The following SMARCA4 variants were observed in gnomAD, a reference collection of about 807,000 sequenced individuals.
SMARCA4 encodes SWI/SNF related BAF chromatin remodeling complex subunit ATPase 4.
Under a neutral mutation model 193.9 loss-of-function variants are expected in SMARCA4, and 31 were observed. That is an observed-to-expected ratio of 0.16 (90% CI 0.12 to 0.22). The LOEUF is 0.22. SMARCA4 is among the 10% of genes least tolerant of loss of function. The pLI is 1.00. For synonymous variants in SMARCA4, 942 were observed against 933.1 expected (o/e 1.01, Z -0.17); for missense variants, 1,148 against 2,296.0 (o/e 0.50, Z 10.22).
chr19:10,973,701 C>T (rs997864458), intron 1 of SMARCA4, among the ~76,000 whole-genome samples: 11 of 152,066 alleles, frequency 7.2e-5, no homozygotes, highest in Middle Eastern at 6.8e-3. Context: ...TCCCGAGTAG[C>T]TGGGACTACA....
At position 11,062,241 on chromosome 19, in the gene SMARCA4, G is replaced by A. The variant is rs2076932790; in HGVS notation, c.*425G>A. The A allele has an allele frequency of 1.1e-5, 3 of 283,448 alleles. No individual in the cohort carries two copies. Among genetic ancestry groups the A allele is most frequent in the Non-Finnish European group, 2.0e-5 (3 of 148,618 alleles). The allele number at this position is 283,448 out of a possible 1,614,324, so 17.6% of individuals were successfully genotyped here. ...CGAGGGTATGTCAGTGTCACTGGAT[G>A]TCAAACAGTAATAAATTAAACCAAC... On this transcript the variant is annotated 3_prime_UTR_variant, in exon 35 of 35. Coordinates refer to ENST00000344626, the MANE Select transcript of SMARCA4 (RefSeq NM_003072.5).
chr19:11,013,443 G>T (rs2089050516), intron 16 of SMARCA4, among the ~76,000 whole-genome samples: 1 of 152,132 alleles, frequency 6.6e-6, no homozygotes, highest in African/African-American at 2.4e-5. Flanking sequence ...TAACTTCATT[G>T]CCTCTGTATT....
Position 11,034,383 on chromosome 19 carries a change from G to A in SMARCA4, c.3951+183G>A, listed in dbSNP as rs2075133489. On this transcript the variant is annotated intron_variant, in intron 28 of 34. Coordinates refer to ENST00000344626, the MANE Select transcript of SMARCA4 (RefSeq NM_003072.5). The surrounding 1 kb of genome is among the most constrained non-coding windows in gnomAD (Gnocchi z 7.0). ...CTTCCACCCCCAGTCTCCTGAGGAT[G>A]GCATCGGAGGGCGAGATGCACACCC... Among the ~76,000 whole-genome samples, 1 of 152,172 alleles carries A rather than the reference G, an allele frequency of 6.6e-6. No individual in the cohort carries two copies. The highest frequency in any genetic ancestry group is 1.5e-5 in the Non-Finnish European group (1 of 68,024).
chr19:11,027,808 T>C lies in SMARCA4; in HGVS notation c.3240T>C (p.Gly1080=), dbSNP rs1448966844. The C allele has an allele frequency of 6.2e-7, 1 of 1,614,078 alleles. No homozygotes were observed. Among genetic ancestry groups the C allele is most frequent in the Non-Finnish European group, 8.5e-7 (1 of 1,180,030 alleles). Residue 1080 remains glycine (G), a synonymous_variant, in exon 24 of 35, where the codon GGT becomes GGC. Coordinates refer to ENST00000344626, the MANE Select transcript of SMARCA4 (RefSeq NM_003072.5). ...VQGLDLYRAS[G]KFELLDRILP... ...GGCTGGACCTGTACCGAGCCTCGGGTAAATTTGAGCTTCTTGATAGAATTC... is the reference window on the plus strand; with the variant it reads ...GGCTGGACCTGTACCGAGCCTCGGGCAAATTTGAGCTTCTTGATAGAATTC...
At chr19:11,016,498 A>G (rs1296287535) in intron 16 of SMARCA4, among the ~76,000 whole-genome samples, 1 of 152,336 alleles carries the variant, frequency 6.6e-6, no homozygotes, top group Admixed American at 6.5e-5. Flanking sequence ...TTCCACCGTT[A>G]GGAAGAGCTT....
In SMARCA4 at chr19:11,033,242, T is replaced by C. The variant is rs1465685755; in HGVS notation, c.3547-48T>C. ...TAGTGTCAGAGGCCACCTTCCCTTT[T>C]ATGACCTCCTGGGCTCCTTTGGGAC... On this transcript the variant is annotated intron_variant, in intron 25 of 34. Coordinates refer to ENST00000344626, the MANE Select transcript of SMARCA4 (RefSeq NM_003072.5). The surrounding 1 kb of genome is among the most constrained non-coding windows in gnomAD (Gnocchi z 9.8). 2 of 1,462,170 alleles carry C rather than the reference T, an allele frequency of 1.4e-6. No homozygotes were observed. The highest frequency in any genetic ancestry group is 2.8e-5 in the African/African-American group (2 of 71,938). 90.6% of individuals were successfully genotyped at this position (1,462,170 alleles called of 1,614,324 possible).
chr19:10,994,884 C>T lies in SMARCA4; in HGVS notation c.1476C>T (p.Ser492=), dbSNP rs528531511. The T allele has an allele frequency of 3.8e-5, 61 of 1,614,034 alleles. No individual in the cohort carries two copies. In the East Asian group the frequency reaches 4.9e-4, roughly 13 times the overall value. Reference sequence around the variant, plus strand: ...AGGATTTCAAGGAATATCACAGATCCGTCACAGGCAAAATCCAGAAGCTGA... The same window carrying T: ...AGGATTTCAAGGAATATCACAGATCTGTCACAGGCAAAATCCAGAAGCTGA... The part of the protein sequence containing the change: ...HAKDFKEYHR[S]VTGKIQKLTK... Residue 492 remains serine, a synonymous_variant, in exon 9 of 35, where the codon TCC becomes TCT. Coordinates refer to ENST00000344626, the MANE Select transcript of SMARCA4 (RefSeq NM_003072.5).
In SMARCA4 at chr19:10,968,071, T is replaced by A. The variant is rs184319199; in HGVS notation, c.-32+6897T>A. On this transcript the variant is annotated intron_variant, in intron 1 of 34. Coordinates refer to ENST00000344626, the MANE Select transcript of SMARCA4 (RefSeq NM_003072.5). ...TTTCACCATGTTAGCCAGGATGGTC[T>A]TGATCTCCTGACCTCATGATCCGCC... 5.7e-4 allele frequency among the ~76,000 whole-genome samples: 86 copies of A among 151,806 alleles called. No homozygotes were observed. The East Asian group carries it at 0.013, about 23-fold the overall frequency.
rs776710247 is a variant in SMARCA4, at chr19:10,987,959, C to T, written c.1118+35C>T. On this transcript the variant is annotated intron_variant, in intron 6 of 34. Coordinates refer to ENST00000344626, the MANE Select transcript of SMARCA4 (RefSeq NM_003072.5). The surrounding 1 kb of genome is among the most constrained non-coding windows in gnomAD (Gnocchi z 5.3). ...GGGCCCAGTTGCCAAGGTCACTGCC[C>T]TGTGTCCCCCATGTCCCCCTGGGGA... 6.2e-7 allele frequency: 1 copy of T among 1,608,678 alleles called. No homozygotes were observed. Among genetic ancestry groups the T allele is most frequent in the East Asian group, 2.2e-5 (1 of 44,814 alleles).
intron 11 of SMARCA4, among the ~76,000 whole-genome samples, chr19:10,997,875 C>T (rs997129647): frequency 6.6e-6 from 1 of 152,236 alleles, no homozygotes; most frequent in Non-Finnish European, 1.5e-5. Flanking sequence ...TGTTTCTGCA[C>T]ACTGTACCGA....
Position 11,019,696 on chromosome 19 carries a change from G to A in SMARCA4, c.2611G>A (p.Ala871Thr), listed in dbSNP as rs765073845. The change falls in exon 18 of 35, where the codon GCC (alanine) becomes ACC (threonine). Residue 871 changes from alanine (A) to threonine (T), a missense_variant. Physicochemically the swap from Ala to Thr is moderately conservative, Grantham distance 58 (BLOSUM62 0). Coordinates refer to ENST00000344626, the MANE Select transcript of SMARCA4 (RefSeq NM_003072.5). This position sits in a 1 kb window ranked among gnomAD's most constrained non-coding sequence, Gnocchi z 6.1. ...EYIIKDKHIL[A>T]KIRWKYMIVD... ...CATCATCAAAGACAAGCACATCCTC[G>A]CCAAGGTAACGTGTCCCTGTGGGAA... 4.3e-6 allele frequency: 7 copies of A among 1,610,290 alleles called. No individual in the cohort carries two copies. The highest frequency in any genetic ancestry group is 2.2e-5 in the East Asian group (1 of 44,866).
chr19:11,016,611 G>A (rs1193707454), intron 16 of SMARCA4, among the ~76,000 whole-genome samples: 1 of 152,088 alleles, frequency 6.6e-6, no homozygotes, highest in Non-Finnish European at 1.5e-5. Flanking sequence ...ATTTGGCCTG[G>A]GAGAATTCTC....
At chr19:11,060,285 C>T (rs2076792062) in intron 34 of SMARCA4, 98 bp downstream of exon 34, 2 of 1,414,776 alleles carry the variant, frequency 1.4e-6, no homozygotes, top group East Asian at 5.0e-5. Context: ...CCCACGCCCC[C>T]ACGCTGCAGG....
At chr19:10,992,396 C>T (rs2086635212) in intron 8 of SMARCA4, among the ~76,000 whole-genome samples, 1 of 149,830 alleles carries the variant, frequency 6.7e-6, no homozygotes, top group African/African-American at 2.5e-5. Context: ...AGATGGCAGG[C>T]GTAATCCCCC....
intron 7 of SMARCA4, 129 bp downstream of exon 7, chr19:10,989,572 C>T (rs1568431075): frequency 9.7e-7 from 1 of 1,028,792 alleles, no homozygotes; most frequent in South Asian, 1.4e-5. Flanking sequence ...CCGTGGCCAT[C>T]CATGGGCACT....
In SMARCA4 at chr19:11,060,216, C is replaced by G. The variant is rs553284141; in HGVS notation, c.4911+29C>G. 2.6e-6 allele frequency: 4 copies of G among 1,549,958 alleles called. No homozygotes were observed. In the South Asian group the frequency reaches 3.6e-5, roughly 14 times the overall value. ...AGGCCGGGCCCCCGAGCAGGCAGAG[C>G]TGGCATGTGGCAGGAGGCATCCCGG... On this transcript the variant is annotated intron_variant, in intron 34 of 34. Transcript: ENST00000344626.
chr19:11,046,095 C>T lies in SMARCA4; in HGVS notation c.4424+4535C>T, dbSNP rs565694268. 1.6e-4 allele frequency among the ~76,000 whole-genome samples: 24 copies of T among 152,108 alleles called. No individual in the cohort carries two copies. In the South Asian group the frequency reaches 3.1e-3, roughly 20 times the overall value. Reference sequence around the variant, plus strand: ...AAAATTAGCCAGGCGTGGTGGCGGGCGCCTGTAGTCCCAGATACTCGAGAG... The same window carrying T: ...AAAATTAGCCAGGCGTGGTGGCGGGTGCCTGTAGTCCCAGATACTCGAGAG... On this transcript the variant is annotated intron_variant, in intron 30 of 34. Transcript: ENST00000344626.
intron 30 of SMARCA4, among the ~76,000 whole-genome samples, chr19:11,044,896 G>C (rs2075812975): frequency 6.6e-6 from 1 of 152,206 alleles, no homozygotes; most frequent in African/African-American, 2.4e-5. Context: ...AATCAGCCCA[G>C]TGTCCATCTA....
At chr19:11,017,528 C>T (rs2089476195) in intron 16 of SMARCA4, among the ~76,000 whole-genome samples, 2 of 152,280 alleles carry the variant, frequency 1.3e-5, no homozygotes, top group South Asian at 4.1e-4. Flanking sequence ...TGCCGGCCCT[C>T]TCACTGGGAA....
Sources: gnomAD v4.1 joint callset for allele counts (sites outside exome capture counted in the v4.1 genomes callset) on GRCh38, gnomAD v4.1.1 for gene constraint, Gnocchi (gnomAD v3.1) non-coding constraint, MANE v1.5 for transcripts, NCBI Gene and HGNC (gene_info 2026-07-23, HGNC 2026-07-21) for gene names.